Variants in ASH1L observed in about 807,000 individuals in gnomAD.
The protein encoded by ASH1L is ASH1 like histone lysine methyltransferase.
A neutral mutation model predicts 269.0 loss-of-function variants in ASH1L; 23 were observed. That is an observed-to-expected ratio of 0.09 (90% CI 0.06 to 0.12). The LOEUF (loss-of-function observed/expected upper bound fraction) is 0.12, where lower values mean the gene tolerates loss of function less well. Among genes scored for constraint, ASH1L ranks in the 10% least tolerant of loss-of-function variants. The pLI is 1.00. For missense variants in ASH1L, 2,912 were observed against 3,567.8 expected (o/e 0.82, Z 4.68); for synonymous variants, 1,187 against 1,253.5 (o/e 0.95, Z 1.12).
In ASH1L at chr1:155,562,440, G is replaced by GGCGGCAGCA. The variant is rs1558229673; in HGVS notation, c.-396_-388dup. 2 of 1,468,174 alleles carry GGCGGCAGCA rather than the reference G, an allele frequency of 1.4e-6. No homozygotes were observed. The highest frequency in any genetic ancestry group is 2.5e-5 in the East Asian group (1 of 40,376). The allele number at this position is 1,468,174 out of a possible 1,614,324, so 90.9% of individuals were successfully genotyped here. A position where few individuals can be genotyped will look rare whatever the true frequency, so the allele number is the denominator to read the frequency against. On this transcript the variant is annotated 5_prime_UTR_variant, in exon 1 of 28. Coordinates refer to ENST00000392403, the MANE Select transcript of ASH1L (RefSeq NM_018489.3). ...TGGCGGCGGGAGCGGCGGCGGCGGC[G>GGCGGCAGCA]GCGGCAGCAGCAGAGTGGCGGCGGT...
chr1:155,469,620 A>C lies in ASH1L; in HGVS notation c.4984+8266T>G, dbSNP rs1244920952. 3.9e-5 allele frequency among the ~76,000 whole-genome samples: 6 copies of C among 152,208 alleles called. No individual in the cohort carries two copies. The East Asian group carries it at 1.2e-3, about 29-fold the overall frequency. ...GTTTTACCTCTCCTTTGAGCTACAG[A>C]TCCATCTGTCCTACAAAACAGGCTT... On this transcript the variant is annotated intron_variant, in intron 3 of 27. Transcript: ENST00000392403.
rs79211048 is a variant in ASH1L at position 155,366,071 on chromosome 1, A to G, written c.6686+4433T>C. ...TGAGATCTGCTGGGTTGCATTCCCA[A>G]TAGGTTAGGCATTCTTAGTTACAGG... On this transcript the variant is annotated intron_variant, in intron 12 of 27. Transcript: ENST00000392403. Among the ~76,000 whole-genome samples the G allele has an allele frequency of 2.4e-3, 371 of 152,284 alleles. 4 individuals are homozygous for G. In the East Asian group the frequency reaches 0.044, roughly 18 times the overall value.
intron 2 of ASH1L, among the ~76,000 whole-genome samples, chr1:155,501,851 C>T (rs1483971804): frequency 1.3e-5 from 2 of 151,532 alleles, no homozygotes; most frequent in African/African-American, 4.9e-5. Context: ...TTAGTAGAAA[C>T]GGGGTTTCAC....
chr1:155,513,118 C>G (rs1382316419), intron 2 of ASH1L, among the ~76,000 whole-genome samples: 1 of 152,018 alleles, frequency 6.6e-6, no homozygotes, highest in East Asian at 1.9e-4. Flanking sequence ...GTAACTCCTA[C>G]ACATTAGGAT....
At chr1:155,500,188 C>T (rs542172432) in intron 2 of ASH1L, among the ~76,000 whole-genome samples, 14 of 152,298 alleles carry the variant, frequency 9.2e-5, no homozygotes, top group Non-Finnish European at 1.8e-4. Flanking sequence ...GAGTGACATC[C>T]TGTTTTATCT....
At chr1:155,374,069 C>T (rs113315634) in intron 10 of ASH1L, among the ~76,000 whole-genome samples, 273 of 152,322 alleles carry the variant, frequency 1.8e-3, no homozygotes, top group African/African-American at 6.4e-3. Context: ...TGGCTCATGC[C>T]TGTAATCCCA....
At chr1:155,417,795 C>T (rs2148549073) in intron 5 of ASH1L, among the ~76,000 whole-genome samples, 1 of 152,154 alleles carries the variant, frequency 6.6e-6, no homozygotes, top group Non-Finnish European at 1.5e-5. Context: ...CCCGTCTCTA[C>T]TAAAAATACA....
chr1:155,464,828 A>T (rs1202573832), intron 3 of ASH1L, among the ~76,000 whole-genome samples: 1 of 152,204 alleles, frequency 6.6e-6, no homozygotes, highest in African/African-American at 2.4e-5. Flanking sequence ...CATTTTTGCC[A>T]ATTTAAACAA....
At chr1:155,537,480 G>A (rs545258183) in intron 1 of ASH1L, among the ~76,000 whole-genome samples, 18 of 152,226 alleles carry the variant, frequency 1.2e-4, no homozygotes, top group South Asian at 2.1e-4. Context: ...AACAGGCTTC[G>A]AAACGTGATT....
chr1:155,437,766 T>C (rs989844145), intron 5 of ASH1L, among the ~76,000 whole-genome samples: 2 of 152,202 alleles, frequency 1.3e-5, no homozygotes, highest in African/African-American at 4.8e-5. Flanking sequence ...CATCTCTATA[T>C]TGGATAAAAT....
At chr1:155,541,685 T>G (rs994018952) in intron 1 of ASH1L, among the ~76,000 whole-genome samples, 9 of 152,180 alleles carry the variant, frequency 5.9e-5, no homozygotes, top group African/African-American at 1.7e-4. Flanking sequence ...AGTTTCATAT[T>G]TATGTACTCT....
chr1:155,384,074 T>C (rs999344378), intron 7 of ASH1L, among the ~76,000 whole-genome samples: 3 of 152,230 alleles, frequency 2.0e-5, no homozygotes, highest in African/African-American at 7.2e-5. Context: ...TTTGCTTCAA[T>C]GATTAAACGT....
intron 2 of ASH1L, among the ~76,000 whole-genome samples, chr1:155,517,949 C>T (rs1419131847): frequency 4.0e-5 from 6 of 150,714 alleles, no homozygotes; most frequent in Admixed American, 1.3e-4. Context: ...TACAGGTGCC[C>T]GCCACTACGC....
rs190569710 is a variant in ASH1L, at chr1:155,493,624, T to G, written c.421-11175A>C. ...GGTTCACGCCTGTAATCCCAACACT[T>G]TGGGAGGCTGAGGCAGGAGGATCAC... is the stretch of plus-strand genomic sequence containing the variant. On this transcript the variant is annotated intron_variant, in intron 2 of 27. Transcript: ENST00000392403. 2.6e-5 allele frequency among the ~76,000 whole-genome samples: 4 copies of G among 152,338 alleles called. No homozygotes were observed. In the East Asian group the frequency reaches 7.7e-4, roughly 29 times the overall value.
intron 3 of ASH1L, among the ~76,000 whole-genome samples, chr1:155,466,679 T>C (rs983485409): frequency 6.6e-6 from 1 of 152,246 alleles, no homozygotes; most frequent in African/African-American, 2.4e-5. Flanking sequence ...ATCCATCACC[T>C]TGCGTAGTTA....
intron 12 of ASH1L, 64 bp from the exon 13 acceptor site, chr1:155,360,473 T>G (rs1161262084): frequency 3.1e-5 from 31 of 995,646 alleles, no homozygotes; most frequent in Non-Finnish European, 4.2e-5. Flanking sequence ...AGACGGAGTC[T>G]CCCTCTGTTG....
intron 2 of ASH1L, among the ~76,000 whole-genome samples, chr1:155,509,604 GC>G (rs1668034343): frequency 6.6e-6 from 1 of 152,168 alleles, no homozygotes; most frequent in Non-Finnish European, 1.5e-5. Context: ...TTCGAGACCA[GC>G]CTGACCAACG....
chr1:155,553,695 G>A (rs1322900034), intron 1 of ASH1L, among the ~76,000 whole-genome samples: 1 of 151,844 alleles, frequency 6.6e-6, no homozygotes, highest in African/African-American at 2.4e-5. Flanking sequence ...TCCCCACCTT[G>A]GACAAAAACA....
At chr1:155,492,429 G>T (rs185411833) in intron 2 of ASH1L, among the ~76,000 whole-genome samples, 6 of 152,000 alleles carry the variant, frequency 3.9e-5, no homozygotes, top group Admixed American at 3.9e-4. Context: ...GTTTCTTTTC[G>T]TTTTTCCTTT....
Sources: allele counts gnomAD v4.1 joint callset (sites outside exome capture counted in the v4.1 genomes callset), GRCh38; gene constraint gnomAD v4.1.1; transcripts MANE v1.5; gene names NCBI Gene and HGNC (gene_info 2026-07-23, HGNC 2026-07-21).